Variants in KCNB2 observed in about 807,000 individuals in gnomAD.
KCNB2 encodes delayed rectifier potassium channel protein.
In KCNB2, 15 loss-of-function variants were observed where a neutral mutation model predicts 61.5. The ratio of observed to expected loss-of-function variants is 0.24; its 90% CI spans 0.16 to 0.38. KCNB2 has a LOEUF of 0.38. Ranked by LOEUF, KCNB2 falls within the 10% of genes least tolerant of loss-of-function variation. KCNB2 has a pLI of 1.00. For synonymous variants in KCNB2, 457 were observed against 446.0 expected (o/e 1.02, Z -0.31); for missense variants, 828 against 1,125.2 (o/e 0.74, Z 3.78).
At chr8:72,775,896 A>G (rs930773470) in intron 2 of KCNB2, among the ~76,000 whole-genome samples, 5 of 152,172 alleles carry the variant, frequency 3.3e-5, no homozygotes, top group South Asian at 2.1e-4. Context: ...CCATCCCATT[A>G]CTGGGTATAT....
At chr8:72,884,643 T>A (rs1233437835) in intron 2 of KCNB2, among the ~76,000 whole-genome samples, 1 of 152,176 alleles carries the variant, frequency 6.6e-6, no homozygotes, top group Non-Finnish European at 1.5e-5. Context: ...GAAATAGGGC[T>A]TTATAATTTT....
intron 1 of KCNB2, 59 bp from the exon 2 acceptor site, chr8:72,567,583 A>G: frequency 3.4e-6 from 2 of 594,866 alleles, no homozygotes; most frequent in Non-Finnish European, 5.9e-6. Context: ...GAATGATCCC[A>G]TAGAACAGAA....
intron 2 of KCNB2, among the ~76,000 whole-genome samples, chr8:72,889,751 G>A (rs1031565261): frequency 1.3e-5 from 2 of 151,918 alleles, no homozygotes; most frequent in Non-Finnish European, 2.9e-5. Context: ...AAAACTCTTG[G>A]CACCCAAACT....
chr8:72,902,545 C>T (rs1322841873), intron 2 of KCNB2, among the ~76,000 whole-genome samples: 3 of 152,030 alleles, frequency 2.0e-5, no homozygotes. Context: ...TTGAACTCTC[C>T]TGGGGTTTGA....
chr8:72,723,044 CAG>C (rs1308428507), intron 2 of KCNB2, among the ~76,000 whole-genome samples: 5 of 152,192 alleles, frequency 3.3e-5, no homozygotes. Context: ...AGGTTATAAA[CAG>C]TGCATATTCT....
intron 2 of KCNB2, among the ~76,000 whole-genome samples, chr8:72,835,283 A>G (rs1297284096): frequency 6.6e-6 from 1 of 152,196 alleles, no homozygotes; most frequent in Non-Finnish European, 1.5e-5. Flanking sequence ...AATATACCTC[A>G]CCACCCTCAA....
chr8:72,733,001 A>C (rs948732231), intron 2 of KCNB2, among the ~76,000 whole-genome samples: 1 of 152,144 alleles, frequency 6.6e-6, no homozygotes, highest in Non-Finnish European at 1.5e-5. Context: ...AAAAAAAAAA[A>C]CAGAACAGAT....
At chr8:72,640,706 G>A (rs1380324546) in intron 2 of KCNB2, among the ~76,000 whole-genome samples, 5 of 151,990 alleles carry the variant, frequency 3.3e-5, no homozygotes, top group African/African-American at 1.2e-4. Context: ...TAGGAAAAAG[G>A]AGTTTAATTA....
intron 2 of KCNB2, among the ~76,000 whole-genome samples, chr8:72,613,716 A>G (rs918273343): frequency 5.3e-5 from 8 of 152,264 alleles, no homozygotes; most frequent in East Asian, 3.9e-4. Flanking sequence ...TTGTAGTCCC[A>G]TTGTAAACCC....
chr8:72,637,486 T>G (rs1403269598), intron 2 of KCNB2, among the ~76,000 whole-genome samples: 1 of 152,142 alleles, frequency 6.6e-6, no homozygotes, highest in African/African-American at 2.4e-5. Flanking sequence ...TCTCTACTAA[T>G]GAATCAGGAA....
rs181562818 is a variant in KCNB2 at position 72,660,009 on chromosome 8, A to G, written c.579+91696A>G. ...AAAATTAAATGGACACAATTAACCT[A>G]TGACATTCACATTTAAATACTCTAA... is the stretch of plus-strand genomic sequence containing the variant. On this transcript the variant is annotated intron_variant, in intron 2 of 2. Transcript: ENST00000523207. Among the ~76,000 whole-genome samples, 248 of 152,336 alleles carry G rather than the reference A, an allele frequency of 1.6e-3. 1 individual carries two copies. The highest frequency in any genetic ancestry group is 5.6e-3 in the African/African-American group (231 of 41,574).
At chr8:72,628,592 A>G (rs1427437277) in intron 2 of KCNB2, among the ~76,000 whole-genome samples, 3 of 152,230 alleles carry the variant, frequency 2.0e-5, no homozygotes, top group African/African-American at 4.8e-5. Context: ...GATAGCTCCA[A>G]GGAATGATGC....
chr8:72,819,016 A>C (rs1809449320), intron 2 of KCNB2, among the ~76,000 whole-genome samples: 1 of 152,126 alleles, frequency 6.6e-6, no homozygotes, highest in Non-Finnish European at 1.5e-5. Flanking sequence ...GAGATAGTAA[A>C]ACCTAGAACT....
intron 2 of KCNB2, among the ~76,000 whole-genome samples, chr8:72,863,144 G>A (rs1805448138): frequency 1.3e-5 from 2 of 152,108 alleles, no homozygotes; most frequent in Admixed American, 6.6e-5. Context: ...TGCCTAGTAG[G>A]GAAGATCTGA....
At chr8:72,543,955 A>G (rs1340842024) in intron 1 of KCNB2, among the ~76,000 whole-genome samples, 2 of 152,208 alleles carry the variant, frequency 1.3e-5, no homozygotes, top group South Asian at 4.1e-4. Context: ...GCGGCTGACT[A>G]AATACAAATA....
chr8:72,600,628 A>G (rs1585777007), intron 2 of KCNB2, among the ~76,000 whole-genome samples: 1 of 152,190 alleles, frequency 6.6e-6, no homozygotes, highest in Non-Finnish European at 1.5e-5. Flanking sequence ...AAAATGTGGT[A>G]TGTATACACC....
intron 2 of KCNB2, among the ~76,000 whole-genome samples, chr8:72,800,161 A>T (rs1349155932): frequency 6.6e-6 from 1 of 152,196 alleles, no homozygotes; most frequent in Admixed American, 6.6e-5. Flanking sequence ...CATGAAATAC[A>T]TACGTGTGTA....
chr8:72,792,944 T>C (rs924260240), intron 2 of KCNB2, among the ~76,000 whole-genome samples: 1 of 152,194 alleles, frequency 6.6e-6, no homozygotes, highest in Non-Finnish European at 1.5e-5. Flanking sequence ...GTTGTTGAAA[T>C]GTTTAAGAAA....
At chr8:72,569,615 T>G (rs1335912628) in intron 2 of KCNB2, among the ~76,000 whole-genome samples, 1 of 147,462 alleles carries the variant, frequency 6.8e-6, no homozygotes, top group African/African-American at 2.6e-5. Context: ...GATAAGTTGT[T>G]TACTTTCATT....
Sources: gnomAD v4.1 joint callset for allele counts (sites outside exome capture counted in the v4.1 genomes callset) on GRCh38, gnomAD v4.1.1 for gene constraint, MANE v1.5 for transcripts, NCBI Gene and HGNC (gene_info 2026-07-23, HGNC 2026-07-21) for gene names.